SLC9A9: variants seen among roughly 807,000 people sequenced by gnomAD.
The protein encoded by SLC9A9 is sodium/hydrogen exchanger 9.
In SLC9A9, 62 loss-of-function variants were observed where a neutral mutation model predicts 77.8. The observed-to-expected ratio is 0.80, with a 90% CI of 0.65 to 0.98. SLC9A9 has a LOEUF of 0.98. Among genes scored for constraint, SLC9A9 ranks in the 50% least tolerant of loss-of-function variants. SLC9A9 has a pLI of 0.00. For synonymous variants in SLC9A9, 320 were observed against 283.5 expected, an observed-to-expected ratio of 1.13 and a Z score of -1.29; for missense variants, 775 against 774.9, an observed-to-expected ratio of 1.00 and a Z score of 0.00.
intron 2 of SLC9A9, among the ~76,000 whole-genome samples, chr3:143,814,320 A>G (rs1287539057): frequency 6.6e-6 from 1 of 152,208 alleles, no homozygotes; most frequent in Non-Finnish European, 1.5e-5. Context: ...ATCCAGAATC[A>G]TCAGTATGGA....
intron 6 of SLC9A9, among the ~76,000 whole-genome samples, chr3:143,612,641 A>T (rs1393445745): frequency 6.6e-6 from 1 of 152,182 alleles, no homozygotes; most frequent in Non-Finnish European, 1.5e-5. Flanking sequence ...ATTTATAGCA[A>T]AACAGACCAA....
intron 1 of SLC9A9, among the ~76,000 whole-genome samples, chr3:143,846,465 T>C (rs577991687): frequency 6.6e-6 from 1 of 152,204 alleles, no homozygotes; most frequent in Non-Finnish European, 1.5e-5. Flanking sequence ...GCTTCACATC[T>C]GATGGCATCC....
At chr3:143,712,066 T>G (rs1038588801) in intron 4 of SLC9A9, among the ~76,000 whole-genome samples, 2 of 152,222 alleles carry the variant, frequency 1.3e-5, no homozygotes, top group Non-Finnish European at 2.9e-5. Context: ...GGCTTTACAC[T>G]GTTAGCACTG....
intron 9 of SLC9A9, among the ~76,000 whole-genome samples, chr3:143,534,097 T>C (rs2036554159): frequency 6.6e-6 from 1 of 152,194 alleles, no homozygotes; most frequent in African/African-American, 2.4e-5. Context: ...CATTGAAAAT[T>C]AATCCAGTTA....
At chr3:143,620,476 T>G (rs1336386256) in intron 6 of SLC9A9, 2 of 152,276 alleles carry the variant, frequency 1.3e-5, no homozygotes, top group Non-Finnish European at 2.9e-5. Context: ...CCTGTGGTGG[T>G]GAGCTCAGAC....
At chr3:143,578,859 T>A in intron 6 of SLC9A9, 136 bp from the exon 7 acceptor site, 1 of 1,008,900 alleles carries the variant, frequency 9.9e-7, no homozygotes, top group Non-Finnish European at 1.6e-6. Context: ...GGAAAACAGA[T>A]ACAGAAGGGG....
intron 14 of SLC9A9, among the ~76,000 whole-genome samples, chr3:143,337,665 A>G (rs961324662): frequency 6.6e-6 from 1 of 152,198 alleles, no homozygotes; most frequent in African/African-American, 2.4e-5. Flanking sequence ...CAGTGAAGTG[A>G]ACTCTAAACA....
At position 143,515,195 on chromosome 3, in the gene SLC9A9, T is replaced by A. The variant is rs182754563; in HGVS notation, c.1090-19747A>T. On this transcript the variant is annotated intron_variant, in intron 9 of 15. Coordinates refer to ENST00000316549, the MANE Select transcript of SLC9A9 (RefSeq NM_173653.4). ...TCAAAACACAGACAACTATTAAGTT[T>A]GCCATCTTATATGAACATGGTTCAT... is the stretch of plus-strand genomic sequence containing the variant. Among the ~76,000 whole-genome samples the A allele has an allele frequency of 1.5e-3, 228 of 152,336 alleles. No homozygotes were observed. In the Middle Eastern group the frequency reaches 0.031, roughly 20 times the overall value.
At chr3:143,540,602 G>A (rs921772868) in intron 9 of SLC9A9, among the ~76,000 whole-genome samples, 11 of 152,168 alleles carry the variant, frequency 7.2e-5, no homozygotes, top group East Asian at 5.8e-4. Flanking sequence ...TCAGGATCAC[G>A]TGTAAAGTTT....
chr3:143,378,469 T>C (rs547816030), intron 13 of SLC9A9, among the ~76,000 whole-genome samples: 1 of 152,306 alleles, frequency 6.6e-6, no homozygotes, highest in South Asian at 2.1e-4. Flanking sequence ...AGCAAACGCA[T>C]ATAAGGTGCT....
chr3:143,585,582 T>C (rs2037526771), intron 6 of SLC9A9, among the ~76,000 whole-genome samples: 2 of 152,244 alleles, frequency 1.3e-5, no homozygotes, highest in African/African-American at 2.4e-5. Context: ...TTCCTGAGAT[T>C]GTGTCACGGT....
chr3:143,377,430 C>T (rs1412318915), intron 13 of SLC9A9, among the ~76,000 whole-genome samples: 1 of 152,190 alleles, frequency 6.6e-6, no homozygotes, highest in Non-Finnish European at 1.5e-5. Flanking sequence ...GCTGCTCTGG[C>T]AGCAGGTCCC....
intron 4 of SLC9A9, among the ~76,000 whole-genome samples, chr3:143,775,488 C>G (rs933316570): frequency 6.6e-6 from 1 of 152,060 alleles, no homozygotes; most frequent in Non-Finnish European, 1.5e-5. Context: ...GCCATATAGC[C>G]CTGACATGAG....
intron 14 of SLC9A9, 73 bp downstream of exon 14, chr3:143,363,411 T>C (rs1388101373): frequency 2.2e-6 from 3 of 1,394,366 alleles, no homozygotes; most frequent in Non-Finnish European, 3.0e-6. Flanking sequence ...GAGTGCACAC[T>C]TCAATGATTA....
chr3:143,489,180 A>C (rs541411390), intron 11 of SLC9A9, among the ~76,000 whole-genome samples: 1 of 152,092 alleles, frequency 6.6e-6, no homozygotes, highest in South Asian at 2.1e-4. Flanking sequence ...AACTTAACCA[A>C]GGAGGTGAAA....
At chr3:143,833,454 G>T (rs146859838) in intron 1 of SLC9A9, among the ~76,000 whole-genome samples, 36 of 152,292 alleles carry the variant, frequency 2.4e-4, no homozygotes, top group African/African-American at 8.7e-4. Flanking sequence ...ATAGACAGGG[G>T]GTATTCCGAA....
chr3:143,341,303 T>C (rs2032090789), intron 14 of SLC9A9, among the ~76,000 whole-genome samples: 1 of 151,982 alleles, frequency 6.6e-6, no homozygotes, highest in South Asian at 2.1e-4. Flanking sequence ...TGAGATGGGG[T>C]CGGTTTGGGA....
chr3:143,422,306 C>A (rs1183871963), intron 12 of SLC9A9, among the ~76,000 whole-genome samples: 1 of 152,148 alleles, frequency 6.6e-6, no homozygotes, highest in African/African-American at 2.4e-5. Flanking sequence ...CTTTTGTGTT[C>A]ATCGCAGCAC....
chr3:143,762,485 C>A (rs1468275554), intron 4 of SLC9A9, among the ~76,000 whole-genome samples: 4 of 152,064 alleles, frequency 2.6e-5, no homozygotes, highest in Non-Finnish European at 5.9e-5. Context: ...ATTAAAATAG[C>A]CCCTGATGGA....
Sources: gnomAD v4.1 joint callset for allele counts (sites outside exome capture counted in the v4.1 genomes callset) on GRCh38, gnomAD v4.1.1 for gene constraint, MANE v1.5 for transcripts, NCBI Gene and HGNC (gene_info 2026-07-23, HGNC 2026-07-21) for gene names.